Variants in MAGI1 observed in about 807,000 individuals in gnomAD.
The protein encoded by MAGI1 is membrane-associated guanylate kinase, WW and PDZ domain-containing protein 1.
MAGI1 carries 58 observed loss-of-function variants against 139.9 expected under a neutral mutation model. The ratio of observed to expected loss-of-function variants is 0.41; its 90% CI spans 0.34 to 0.52. The LOEUF is 0.52. MAGI1 is among the 20% of genes least tolerant of loss of function. The pLI, the probability that MAGI1 is intolerant of heterozygous loss-of-function variation, is 0.12. For synonymous variants in MAGI1, 812 were observed against 737.9 expected (o/e 1.10, Z -1.63); for missense variants, 1,874 against 1,901.6 (o/e 0.99, Z 0.27).
At chr3:65,630,941 C>T (rs2107151607) in intron 1 of MAGI1, among the ~76,000 whole-genome samples, 1 of 152,342 alleles carries the variant, frequency 6.6e-6, no homozygotes, top group East Asian at 1.9e-4. Flanking sequence ...GCATTTTATT[C>T]TACGTGTGTA....
At chr3:65,656,494 A>C (rs1566396) in intron 1 of MAGI1, among the ~76,000 whole-genome samples, 80,475 of 152,000 alleles carry the variant, frequency 0.53, 23,110 homozygotes, top group East Asian at 0.63. Context: ...AATTCTAAAC[A>C]TTATGCAAGT....
At chr3:65,580,487 C>A (rs1366017964) in intron 2 of MAGI1, among the ~76,000 whole-genome samples, 1 of 152,152 alleles carries the variant, frequency 6.6e-6, no homozygotes, top group Non-Finnish European at 1.5e-5. Flanking sequence ...TGGAGTCAAA[C>A]AACTTTTGCA....
chr3:65,597,880 C>A (rs1262523502), intron 2 of MAGI1: 1 of 455,088 alleles, frequency 2.2e-6, no homozygotes, highest in African/African-American at 2.0e-5. Flanking sequence ...CGCCTCCCAC[C>A]ACGCTGGTCC....
At chr3:65,963,226 T>A (rs1247018324) in intron 1 of MAGI1, among the ~76,000 whole-genome samples, 1 of 146,740 alleles carries the variant, frequency 6.8e-6, no homozygotes, top group Non-Finnish European at 1.5e-5. Context: ...GCAGAAGAAT[T>A]GCTTGAACCC....
chr3:66,024,435 C>A (rs1376645720), intron 1 of MAGI1, among the ~76,000 whole-genome samples: 1 of 151,754 alleles, frequency 6.6e-6, no homozygotes, highest in East Asian at 1.9e-4. Flanking sequence ...AGCAGAATGG[C>A]AGCTTTTCCC....
chr3:65,731,770 C>G (rs1233334048), intron 1 of MAGI1, among the ~76,000 whole-genome samples: 1 of 151,778 alleles, frequency 6.6e-6, no homozygotes, highest in African/African-American at 2.4e-5. Context: ...AGCCTAAAAG[C>G]AAGCTGTGCT....
intron 1 of MAGI1, among the ~76,000 whole-genome samples, chr3:65,811,233 G>A (rs2041212735): frequency 6.6e-6 from 1 of 152,212 alleles, no homozygotes; most frequent in Admixed American, 6.5e-5. Flanking sequence ...TATTGTGATA[G>A]CAACGTCTTA....
chr3:65,683,657 G>GATATATATATATATATATAT (rs377247002), intron 1 of MAGI1, among the ~76,000 whole-genome samples: 2 of 86,384 alleles, frequency 2.3e-5, no homozygotes, highest in African/African-American at 6.8e-5. Flanking sequence ...GACTGAATAG[G>GATATATATATATATATATAT]ATATATATAT....
intron 1 of MAGI1, among the ~76,000 whole-genome samples, chr3:65,828,202 T>C (rs2042332548): frequency 6.6e-6 from 1 of 152,220 alleles, no homozygotes; most frequent in African/African-American, 2.4e-5. Context: ...TACTTTTCAC[T>C]GTTAACTCAG....
At chr3:65,914,688 A>T (rs1380792123) in intron 1 of MAGI1, among the ~76,000 whole-genome samples, 1 of 152,234 alleles carries the variant, frequency 6.6e-6, no homozygotes, top group Admixed American at 6.5e-5. Context: ...CCTAATAAGC[A>T]TATTAAATTT....
At chr3:65,470,804 A>T (rs1950514291) in intron 4 of MAGI1, among the ~76,000 whole-genome samples, 1 of 152,208 alleles carries the variant, frequency 6.6e-6, no homozygotes, top group African/African-American at 2.4e-5. Flanking sequence ...TCTTAAACTA[A>T]GAAGGCCATC....
At chr3:65,708,148 C>T (rs1023665277) in intron 1 of MAGI1, among the ~76,000 whole-genome samples, 7 of 152,214 alleles carry the variant, frequency 4.6e-5, no homozygotes, top group Non-Finnish European at 1.0e-4. Context: ...AAGCCAATGC[C>T]TCTCTTACCT....
At chr3:65,530,874 G>T (rs1262114188) in intron 2 of MAGI1, among the ~76,000 whole-genome samples, 1 of 145,436 alleles carries the variant, frequency 6.9e-6, no homozygotes, top group Non-Finnish European at 1.5e-5. Context: ...TATATGGAGA[G>T]AGAGAAAGAG....
At chr3:65,568,519 G>C (rs1234019956) in intron 2 of MAGI1, among the ~76,000 whole-genome samples, 1 of 152,186 alleles carries the variant, frequency 6.6e-6, no homozygotes, top group East Asian at 1.9e-4. Flanking sequence ...CTCATGCTCT[G>C]CTCAGGTTGG....
chr3:65,486,233 G>A (rs1951627736), intron 3 of MAGI1, among the ~76,000 whole-genome samples: 1 of 152,140 alleles, frequency 6.6e-6, no homozygotes, highest in Admixed American at 6.5e-5. Flanking sequence ...TAATTAACAT[G>A]CAGAAATATG....
At chr3:65,583,380 A>G (rs2081529068) in intron 2 of MAGI1, among the ~76,000 whole-genome samples, 1 of 152,224 alleles carries the variant, frequency 6.6e-6, no homozygotes, top group South Asian at 2.1e-4. Context: ...AAGCTATGTT[A>G]CAGTGGGAGA....
intron 2 of MAGI1, among the ~76,000 whole-genome samples, chr3:65,519,789 T>C (rs1374771383): frequency 2.6e-5 from 4 of 152,160 alleles, no homozygotes; most frequent in African/African-American, 4.8e-5. Flanking sequence ...ATTACAGTAA[T>C]TGAAGTTACA....
At chr3:65,444,980 T>C (rs1389176642) in intron 7 of MAGI1, among the ~76,000 whole-genome samples, 1 of 152,226 alleles carries the variant, frequency 6.6e-6, no homozygotes, top group East Asian at 1.9e-4. Context: ...TCCTAGAATT[T>C]GCCATTTGGT....
intron 2 of MAGI1, among the ~76,000 whole-genome samples, chr3:65,503,021 T>C (rs901730249): frequency 6.6e-6 from 1 of 152,118 alleles, no homozygotes; most frequent in Admixed American, 6.5e-5. Context: ...TGAATAAATG[T>C]GACTCAAATT....
Sources: gnomAD v4.1 joint callset for allele counts (sites outside exome capture counted in the v4.1 genomes callset) on GRCh38, gnomAD v4.1.1 for gene constraint, MANE v1.5 for transcripts, NCBI Gene and HGNC (gene_info 2026-07-23, HGNC 2026-07-21) for gene names.